SLC12A8: variants seen among roughly 807,000 people sequenced by gnomAD.
SLC12A8 encodes the protein cation-chloride cotransporter 9.
In SLC12A8, 69 loss-of-function variants were observed where a neutral mutation model predicts 75.6. The ratio of observed to expected loss-of-function variants is 0.91; its 90% CI spans 0.75 to 1.11. The LOEUF is 1.11. SLC12A8 is among the 50% of genes most tolerant of loss of function. The probability of loss-of-function intolerance (pLI) is 0.00; values close to 1 mark genes in which losing one functional copy is unlikely to be tolerated. For missense variants in SLC12A8, 877 were observed against 896.7 expected (o/e 0.98, Z 0.28); for synonymous variants, 365 against 372.8 (o/e 0.98, Z 0.24).
chr3:125,147,746 G>A (rs931985668), intron 5 of SLC12A8, among the ~76,000 whole-genome samples: 3 of 152,164 alleles, frequency 2.0e-5, no homozygotes, highest in African/African-American at 7.2e-5. Flanking sequence ...CTGACTGAAC[G>A]TGATTGAGGT....
chr3:125,128,479 CTTTT>C (rs34392392), intron 6 of SLC12A8, among the ~76,000 whole-genome samples: 8 of 109,828 alleles, frequency 7.3e-5, no homozygotes, highest in Admixed American at 2.0e-4. Context: ...CGCGCCCGGC[CTTTT>C]TTTTTTTTTT....
At chr3:125,182,881 A>G (rs903412919) in intron 4 of SLC12A8, among the ~76,000 whole-genome samples, 1 of 152,210 alleles carries the variant, frequency 6.6e-6, no homozygotes, top group Non-Finnish European at 1.5e-5. Flanking sequence ...AAGCCGAGGG[A>G]AATGTTCCAA....
At chr3:125,102,210 A>T (rs1267861158) in intron 10 of SLC12A8, among the ~76,000 whole-genome samples, 1 of 152,194 alleles carries the variant, frequency 6.6e-6, no homozygotes, top group Non-Finnish European at 1.5e-5. Flanking sequence ...ATTTTAAATG[A>T]TGTCAGAGTT....
intron 13 of SLC12A8, 32 bp downstream of exon 13, chr3:125,088,278 C>T: frequency 6.2e-7 from 1 of 1,610,274 alleles, no homozygotes; most frequent in Non-Finnish European, 8.5e-7. Flanking sequence ...GACACTCATC[C>T]ATTCTGGTAC....
At chr3:125,208,747 T>TACACACAC (rs61130966) in intron 2 of SLC12A8, among the ~76,000 whole-genome samples, 149 of 87,398 alleles carry the variant, frequency 1.7e-3, no homozygotes, top group Non-Finnish European at 2.4e-3. Context: ...CTGACCAATC[T>TACACACAC]ACACACACAC....
chr3:125,157,076 A>T (rs1934066379), intron 5 of SLC12A8, among the ~76,000 whole-genome samples: 1 of 152,232 alleles, frequency 6.6e-6, no homozygotes, highest in Non-Finnish European at 1.5e-5. Flanking sequence ...TTGCTACATT[A>T]GTTTTAACTT....
intron 5 of SLC12A8, among the ~76,000 whole-genome samples, chr3:125,166,460 A>T (rs1311629980): frequency 2.0e-5 from 3 of 152,122 alleles, no homozygotes; most frequent in Admixed American, 2.0e-4. Flanking sequence ...ATCTTTCTAA[A>T]ATATGAACTT....
intron 12 of SLC12A8, among the ~76,000 whole-genome samples, chr3:125,088,683 C>T (rs763712580): frequency 6.6e-5 from 10 of 152,092 alleles, no homozygotes; most frequent in Non-Finnish European, 1.3e-4. Flanking sequence ...AATTAAAAAA[C>T]TTTGATAAAT....
intron 2 of SLC12A8, among the ~76,000 whole-genome samples, chr3:125,208,933 CTT>C (rs1202365924): frequency 6.6e-6 from 1 of 152,148 alleles, no homozygotes; most frequent in Admixed American, 6.5e-5. Flanking sequence ...CTGTGAGCCA[CTT>C]TCTAATCACC....
intron 6 of SLC12A8, among the ~76,000 whole-genome samples, chr3:125,123,817 T>C (rs1933123588): frequency 6.6e-6 from 1 of 152,194 alleles, no homozygotes; most frequent in Non-Finnish European, 1.5e-5. Context: ...TATCATGACA[T>C]AGTGCTCTTT....
At chr3:125,196,658 G>C (rs532056467) in intron 2 of SLC12A8, among the ~76,000 whole-genome samples, 1 of 152,334 alleles carries the variant, frequency 6.6e-6, no homozygotes, top group South Asian at 2.1e-4. Flanking sequence ...GCCAGGCACA[G>C]TGGCTCACAC....
At chr3:125,204,075 T>C (rs1200617863) in intron 2 of SLC12A8, among the ~76,000 whole-genome samples, 2 of 152,110 alleles carry the variant, frequency 1.3e-5, no homozygotes, top group African/African-American at 4.8e-5. Context: ...ATCCAAAAAA[T>C]GTAAAATAAC....
chr3:125,091,513 T>C lies in SLC12A8; in HGVS notation c.1847A>G (p.Tyr616Cys), dbSNP rs1560047865. The C allele has an allele frequency of 1.2e-6, 2 of 1,613,864 alleles. No individual in the cohort carries two copies. The highest frequency in any genetic ancestry group is 1.7e-6 in the Non-Finnish European group (2 of 1,179,898). Residue 616 changes from tyrosine (Y) to cysteine (C), a missense_variant, in exon 12 of 14, where the codon TAT becomes TGT. Transcript: ENST00000469902. Reference sequence around the variant, plus strand: ...AGCAACACCCATGTTAACCAGGGTATACACCCACTGTATCACAAACATGAT... The same window carrying C: ...AGCAACACCCATGTTAACCAGGGTACACACCCACTGTATCACAAACATGAT... ...LLIMFVIQWV[Y>C]TLVNMGVAAI...
chr3:125,178,814 C>T (rs914416800), intron 4 of SLC12A8, among the ~76,000 whole-genome samples: 1 of 152,202 alleles, frequency 6.6e-6, no homozygotes, highest in Non-Finnish European at 1.5e-5. Flanking sequence ...ATCTTACTGG[C>T]TCCTCCATTA....
chr3:125,102,701 A>G (rs1938912402), intron 10 of SLC12A8, among the ~76,000 whole-genome samples: 2 of 152,328 alleles, frequency 1.3e-5, no homozygotes, highest in South Asian at 2.1e-4. Context: ...TTGATTAAAC[A>G]TTGCAGACTG....
intron 2 of SLC12A8, among the ~76,000 whole-genome samples, chr3:125,207,534 T>G (rs575486939): frequency 1.1e-4 from 17 of 152,334 alleles, no homozygotes; most frequent in African/African-American, 4.1e-4. Context: ...TGGCAAGAAC[T>G]GTCATTCAAT....
intron 2 of SLC12A8, among the ~76,000 whole-genome samples, chr3:125,209,961 G>A (rs1401734434): frequency 6.6e-6 from 1 of 152,150 alleles, no homozygotes; most frequent in South Asian, 2.1e-4. Context: ...TGCAGGGGAG[G>A]GAGAGAGAAA....
At chr3:125,138,425 T>TA (rs559394260) in intron 5 of SLC12A8, among the ~76,000 whole-genome samples, 244 of 151,852 alleles carry the variant, frequency 1.6e-3, no homozygotes, top group African/African-American at 5.5e-3. Flanking sequence ...TAAAAATAAA[T>TA]AAAAAATGAA....
chr3:125,120,248 C>T (rs1933016976), intron 7 of SLC12A8, among the ~76,000 whole-genome samples: 1 of 151,238 alleles, frequency 6.6e-6, no homozygotes. Flanking sequence ...TCTTTATGCT[C>T]CCTCCAGTGA....
Sources: allele counts gnomAD v4.1 joint callset (sites outside exome capture counted in the v4.1 genomes callset), GRCh38; gene constraint gnomAD v4.1.1; transcripts MANE v1.5; gene names NCBI Gene and HGNC (gene_info 2026-07-23, HGNC 2026-07-21).